Variants in DPF3 observed in about 807,000 individuals in gnomAD.
DPF3 encodes double PHD fingers 3.
In DPF3, 18 loss-of-function variants were observed where a neutral mutation model predicts 56.8. The ratio of observed to expected loss-of-function variants is 0.32; its 90% CI spans 0.22 to 0.47. The LOEUF (loss-of-function observed/expected upper bound fraction) is 0.47. DPF3 is among the 20% of genes least tolerant of loss of function. DPF3 has a pLI of 1.00. For synonymous variants in DPF3, 188 were observed against 180.2 expected (o/e 1.04, Z -0.35); for missense variants, 403 against 488.8 (o/e 0.82, Z 1.65).
At chr14:72,806,076 G>C (rs571126047) in intron 1 of DPF3, 7 of 152,168 alleles carry the variant, frequency 4.6e-5, no homozygotes, top group African/African-American at 1.4e-4. Flanking sequence ...ACATAACAGA[G>C]GGTCTTCGAG....
intron 3 of DPF3, among the ~76,000 whole-genome samples, chr14:72,752,253 G>A (rs770906502): frequency 6.6e-6 from 1 of 152,182 alleles, no homozygotes; most frequent in Admixed American, 6.5e-5. Flanking sequence ...TCACATCCCA[G>A]CCTGGCACCC....
At chr14:72,875,389 A>G (rs1352659839) in intron 1 of DPF3, among the ~76,000 whole-genome samples, 1 of 152,224 alleles carries the variant, frequency 6.6e-6, no homozygotes, top group Non-Finnish European at 1.5e-5. Context: ...CCTGGGCAAC[A>G]GGGCAAGACC....
chr14:72,891,049 G>A (rs1886732051), intron 1 of DPF3, among the ~76,000 whole-genome samples: 1 of 152,116 alleles, frequency 6.6e-6, no homozygotes, highest in African/African-American at 2.4e-5. Flanking sequence ...CAGGAGCTTG[G>A]GACCCTAAGG....
At chr14:72,756,955 G>GAAA (rs1308738352) in intron 2 of DPF3, among the ~76,000 whole-genome samples, 1 of 106,510 alleles carries the variant, frequency 9.4e-6, no homozygotes, top group Non-Finnish European at 2.1e-5. Context: ...GAAAGGGAGA[G>GAAA]GGAAAGAGGG....
Position 72,803,467 on chromosome 14 carries a change from G to A in DPF3, c.33-31574C>T, listed in dbSNP as rs139990692. Among the ~76,000 whole-genome samples the A allele has an allele frequency of 2.6e-3, 391 of 152,348 alleles. 3 individuals are homozygous for A. The highest frequency in any genetic ancestry group is 9.2e-3 in the African/African-American group (383 of 41,576). On this transcript the variant is annotated intron_variant, in intron 1 of 10. Transcript: ENST00000556509. ...CAAGGGAAATCTCACTACAAAAAAA[G>A]AGGTTGTTGCCTGGTGATGGCTGGC...
intron 6 of DPF3, among the ~76,000 whole-genome samples, chr14:72,703,300 C>T (rs750007080): frequency 1.3e-5 from 2 of 152,048 alleles, no homozygotes; most frequent in Non-Finnish European, 1.5e-5. Flanking sequence ...TGGGGTAAAA[C>T]ACCCTGATTT....
intron 1 of DPF3, among the ~76,000 whole-genome samples, chr14:72,826,156 A>G (rs1883791299): frequency 6.6e-6 from 1 of 152,240 alleles, no homozygotes; most frequent in African/African-American, 2.4e-5. Context: ...AGAAAGTTGA[A>G]TAGCATGTCA....
At chr14:72,670,635 T>TTCTCTTTCTCTCTCTCTCTCTCTCTC (rs1886629310) in intron 8 of DPF3, 1 of 517,898 alleles carries the variant, frequency 1.9e-6, no homozygotes, top group East Asian at 1.4e-4. Context: ...TTGATTTCCC[T>TTCTCTTTCTCTCTCTCTCTCTCTCTC]TCTCTCTCTC....
chr14:72,861,744 A>AAAG (rs1885425378), intron 1 of DPF3, among the ~76,000 whole-genome samples: 1 of 122,994 alleles, frequency 8.1e-6, no homozygotes, highest in East Asian at 2.4e-4. Flanking sequence ...AAAGAGAAAG[A>AAAG]AAGAAAGAAA....
At chr14:72,664,230 G>C (rs1459613299) in intron 8 of DPF3, among the ~76,000 whole-genome samples, 2 of 152,012 alleles carry the variant, frequency 1.3e-5, no homozygotes, top group Non-Finnish European at 2.9e-5. Flanking sequence ...CTCTCCCAGT[G>C]CCCTGACCCC....
intron 1 of DPF3, among the ~76,000 whole-genome samples, chr14:72,878,109 G>A (rs1250521624): frequency 6.6e-6 from 1 of 152,208 alleles, no homozygotes; most frequent in African/African-American, 2.4e-5. Context: ...GTTGAAGGAT[G>A]TCTTTCAGAC....
At chr14:72,828,258 G>A (rs1883898003) in intron 1 of DPF3, among the ~76,000 whole-genome samples, 1 of 152,184 alleles carries the variant, frequency 6.6e-6, no homozygotes, top group Non-Finnish European at 1.5e-5. Context: ...CAACATAGCA[G>A]AAAAACAGCA....
chr14:72,787,220 C>T (rs1025953949), intron 1 of DPF3, among the ~76,000 whole-genome samples: 6 of 152,348 alleles, frequency 3.9e-5, no homozygotes, highest in African/African-American at 9.6e-5. Context: ...GATATGCACA[C>T]GGCCCACAGA....
chr14:72,892,318 C>G, intron 1 of DPF3: 1 of 1,535,460 alleles, frequency 6.5e-7, no homozygotes, highest in Non-Finnish European at 8.7e-7. Flanking sequence ...GGCGAAGTTA[C>G]GCCCATTTAT....
intron 6 of DPF3, among the ~76,000 whole-genome samples, chr14:72,696,738 T>C (rs1273821630): frequency 6.6e-6 from 1 of 152,226 alleles, no homozygotes; most frequent in Non-Finnish European, 1.5e-5. Context: ...TTAGAGCAAA[T>C]CCTTTTGCTA....
chr14:72,828,537 T>TAAAAAAAAAACAAAAAAAAAA (rs1883913520), intron 1 of DPF3, among the ~76,000 whole-genome samples: 1 of 86,988 alleles, frequency 1.1e-5, no homozygotes, highest in Non-Finnish European at 2.2e-5. Flanking sequence ...GACCATGTCT[T>TAAAAAAAAAACAAAAAAAAAA]AAAAAAAAAA....
intron 1 of DPF3, among the ~76,000 whole-genome samples, chr14:72,778,586 C>A (rs1451914285): frequency 1.3e-5 from 2 of 152,136 alleles, no homozygotes; most frequent in African/African-American, 2.4e-5. Context: ...TTGAATCATC[C>A]CAAAACCATC....
chr14:72,873,308 A>G (rs1334718040), intron 1 of DPF3, among the ~76,000 whole-genome samples: 1 of 152,278 alleles, frequency 6.6e-6, no homozygotes, highest in Non-Finnish European at 1.5e-5. Flanking sequence ...TGCAGCCAAA[A>G]GACACATGAA....
chr14:72,745,049 G>C (rs1477431999), intron 3 of DPF3, among the ~76,000 whole-genome samples: 1 of 151,884 alleles, frequency 6.6e-6, no homozygotes, highest in East Asian at 1.9e-4. Flanking sequence ...CACACCAGGA[G>C]GCTGGGAGGG....
Sources: gnomAD v4.1 joint callset for allele counts (sites outside exome capture counted in the v4.1 genomes callset) on GRCh38, gnomAD v4.1.1 for gene constraint, MANE v1.5 for transcripts, NCBI Gene and HGNC (gene_info 2026-07-23, HGNC 2026-07-21) for gene names.